The following HAMP variants were observed in gnomAD, a reference collection of about 807,000 sequenced individuals.
The protein encoded by HAMP is hepcidin.
In HAMP, 5 loss-of-function variants were observed where a neutral mutation model predicts 7.8. That is an observed-to-expected ratio of 0.64 (90% CI 0.33 to 1.34). The LOEUF (loss-of-function observed/expected upper bound fraction) is 1.34. Among genes scored for constraint, HAMP ranks in the 40% most tolerant of loss-of-function variants. The pLI, the probability that HAMP is intolerant of heterozygous loss-of-function variation, is 0.05. For missense variants in HAMP, 105 were observed against 104.1 expected, an observed-to-expected ratio of 1.01 and a Z score of -0.04; for synonymous variants, 52 against 38.6, an observed-to-expected ratio of 1.35 and a Z score of -1.28.
In HAMP at chr19:35,284,848, G is replaced by A. The variant is rs1232467006; in HGVS notation, c.150G>A (p.Met50Ile). Residue 50 changes from methionine to isoleucine, a missense_variant and splice_region_variant, in exon 2 of 3, where the codon ATG becomes ATA. By Grantham distance (10) the Met-to-Ile change is conservative (BLOSUM62 1). Coordinates refer to ENST00000222304, the MANE Select transcript of HAMP (RefSeq NM_021175.4). ...GAGCTGGAGCCAGGGCCAGCTGGATGGTGAGCGCAACAGTGATGCCTTTCC... is the reference window on the plus strand; with the variant it reads ...GAGCTGGAGCCAGGGCCAGCTGGATAGTGAGCGCAACAGTGATGCCTTTCC... ...QDRAGARASW[M>I]PMFQRRRRRD... 2 of 1,613,340 alleles carry A rather than the reference G, an allele frequency of 1.2e-6. No individual in the cohort carries two copies. The highest frequency in any genetic ancestry group is 1.7e-5 in the Admixed American group (1 of 59,998).
intron 1 of HAMP, chr19:35,284,515 T>G: frequency 1.8e-6 from 1 of 567,814 alleles, no homozygotes; most frequent in Non-Finnish European, 3.2e-6. Flanking sequence ...GGGAGGTGTG[T>G]TAGGAGGCTG....
At chr19:35,284,155 A>T (rs2066315632) in intron 1 of HAMP, 1 of 153,910 alleles carries the variant, frequency 6.5e-6, no homozygotes, top group Non-Finnish European at 1.4e-5. Context: ...TAAAAAACTT[A>T]ATCTGCCAGT....
chr19:35,282,864 GC>G, intron 1 of HAMP, 197 bp downstream of exon 1: 1 of 585,410 alleles, frequency 1.7e-6, no homozygotes, highest in South Asian at 1.9e-5. Context: ...GAGGCAGGCA[GC>G]CCACTTGAGG....
At chr19:35,283,623 T>C (rs1043502300) in intron 1 of HAMP, 1 of 152,102 alleles carries the variant, frequency 6.6e-6, no homozygotes, top group Non-Finnish European at 1.5e-5. Context: ...GGGTGAGAGA[T>C]GGAGGCAGCA....
rs2066319871 is a variant in HAMP, at chr19:35,284,963, G to A, written c.176G>A (p.Arg59Gln). ...CCCATGTTCCAGAGGCGAAGGAGGC[G>A]AGACACCCACTTCCCCATCTGCATT... ...WMPMFQRRRR[R>Q]DTHFPICIFC... Residue 59 changes from arginine to glutamine, a missense_variant, in exon 3 of 3, where the codon CGA (arginine) becomes CAA (glutamine). Transcript: ENST00000222304. 4 of 1,613,792 alleles carry A rather than the reference G, an allele frequency of 2.5e-6. No individual in the cohort carries two copies. Among genetic ancestry groups the A allele is most frequent in the African/African-American group, 1.3e-5 (1 of 74,862 alleles).
chr19:35,282,959 C>G, intron 1 of HAMP: 1 of 383,780 alleles, frequency 2.6e-6, no homozygotes, highest in Admixed American at 3.6e-5. Context: ...GTGGCAGGTG[C>G]CTGTAATCCC....
intron 1 of HAMP, 156 bp from the exon 2 acceptor site, chr19:35,284,633 T>C (rs569086643): frequency 3.2e-5 from 20 of 630,152 alleles, no homozygotes; most frequent in African/African-American, 2.8e-4. Flanking sequence ...AAGCCGCCCA[T>C]GGGAAGGTGA....
intron 1 of HAMP, chr19:35,283,016 T>C (rs1387612729): frequency 5.9e-6 from 2 of 340,094 alleles, no homozygotes; most frequent in Non-Finnish European, 1.2e-5. Context: ...ACCCGCAAGG[T>C]GGAGGTTGCA....
chr19:35,284,952 G>T lies in HAMP; in HGVS notation c.165G>T (p.Arg55Ser). The T allele has an allele frequency of 6.2e-7, 1 of 1,613,724 alleles. No individual in the cohort carries two copies. The highest frequency in any genetic ancestry group is 8.5e-7 in the Non-Finnish European group (1 of 1,179,720). The change falls in exon 3 of 3, where the codon AGG becomes AGT. Residue 55 changes from arginine (R) to serine (S), a missense_variant. Coordinates refer to ENST00000222304, the MANE Select transcript of HAMP (RefSeq NM_021175.4). ...CCTTCCCACAGCCCATGTTCCAGAG[G>T]CGAAGGAGGCGAGACACCCACTTCC... is the stretch of plus-strand genomic sequence containing the variant. ...ARASWMPMFQ[R>S]RRRRDTHFPI...
rs2066321022 is a variant in HAMP, at chr19:35,285,108, C to G, written c.*66C>G. 1 of 1,042,542 alleles carries G rather than the reference C, an allele frequency of 9.6e-7. No homozygotes were observed. Among genetic ancestry groups the G allele is most frequent in the South Asian group, 1.3e-5 (1 of 79,662 alleles). 64.6% of individuals were successfully genotyped at this position (1,042,542 alleles called of 1,614,324 possible). A position where few individuals can be genotyped will look rare whatever the true frequency, so the allele number is the denominator to read the frequency against. On this transcript the variant is annotated 3_prime_UTR_variant, in exon 3 of 3. Coordinates refer to ENST00000222304, the MANE Select transcript of HAMP (RefSeq NM_021175.4). ...ATTCCTGCTGCCCCAGAACATAGGT[C>G]TTGGAATAAAATGGCTGGTTCTTTT...
Position 35,282,679 on chromosome 19 carries a change from G to A in HAMP, c.90+12G>A, listed in dbSNP as rs2066309429. On this transcript the variant is annotated intron_variant, in intron 1 of 2. Transcript: ENST00000222304. ...TTTTCCCACAACAGGTGAGAGCCCA[G>A]TGGCCTGGGTCCTTAGCAGGGCAGC... is the stretch of plus-strand genomic sequence containing the variant. 1.9e-6 allele frequency: 3 copies of A among 1,603,106 alleles called. No homozygotes were observed. Among genetic ancestry groups the A allele is most frequent in the Non-Finnish European group, 2.6e-6 (3 of 1,169,956 alleles).
intron 1 of HAMP, chr19:35,284,305 T>C (rs1216846794): frequency 5.5e-6 from 1 of 182,512 alleles, no homozygotes; most frequent in African/African-American, 2.4e-5. Context: ...ATTAGCCGGG[T>C]GTGGTGGCGT....
At chr19:35,284,540 G>T (rs888630713) in intron 1 of HAMP, 10 of 583,594 alleles carry the variant, frequency 1.7e-5, no homozygotes, top group Non-Finnish European at 3.1e-5. Flanking sequence ...TGGCATCCAG[G>T]CAGGGGAAGG....
chr19:35,283,091 AAG>A (rs1282483122), intron 1 of HAMP: 1 of 272,216 alleles, frequency 3.7e-6, no homozygotes, highest in African/African-American at 2.2e-5. Flanking sequence ...ATCTCCAAAA[AAG>A]AACAGAAATC....
chr19:35,282,532 G>C lies in HAMP; in HGVS notation c.-46G>C, dbSNP rs748923691. 5 of 1,491,578 alleles carry C rather than the reference G, an allele frequency of 3.4e-6. No individual in the cohort carries two copies. The highest frequency in any genetic ancestry group is 2.3e-5 in the East Asian group (1 of 44,276). The allele number at this position is 1,491,578 out of a possible 1,614,324, so 92.4% of individuals were successfully genotyped here. The stretch of plus-strand genomic sequence containing the variant: ...GACTGTCACTCGGTCCCAGACACCA[G>C]AGCAAGCTCAAGACCCAGCAGTGGG... On this transcript the variant is annotated 5_prime_UTR_variant, in exon 1 of 3. Coordinates refer to ENST00000222304, the MANE Select transcript of HAMP (RefSeq NM_021175.4).
chr19:35,284,425 A>G, intron 1 of HAMP: 1 of 364,050 alleles, frequency 2.7e-6, no homozygotes, highest in Non-Finnish European at 5.2e-6. Context: ...GGCCTGGGCA[A>G]CAGAGGAAGA....
chr19:35,282,535 CA>C lies in HAMP; in HGVS notation c.-41del. 1 of 1,503,944 alleles carries C rather than the reference CA, an allele frequency of 6.6e-7. No homozygotes were observed. The highest frequency in any genetic ancestry group is 9.3e-7 in the Non-Finnish European group (1 of 1,079,504). The allele number at this position is 1,503,944 out of a possible 1,614,324, so 93.2% of individuals were successfully genotyped here. On this transcript the variant is annotated 5_prime_UTR_variant, in exon 1 of 3. Coordinates refer to ENST00000222304, the MANE Select transcript of HAMP (RefSeq NM_021175.4). ...TGTCACTCGGTCCCAGACACCAGAGCAAGCTCAAGACCCAGCAGTGGGACAG... is the reference window on the plus strand; with the variant it reads ...TGTCACTCGGTCCCAGACACCAGAGCAGCTCAAGACCCAGCAGTGGGACAG...
Position 35,284,939 on chromosome 19 carries a change from C to T in HAMP, c.152C>T (p.Pro51Leu). The T allele has an allele frequency of 6.2e-7, 1 of 1,612,822 alleles. No homozygotes were observed. The highest frequency in any genetic ancestry group is 8.5e-7 in the Non-Finnish European group (1 of 1,178,872). ...CTCACATTCCCTTCCTTCCCACAGC[C>T]CATGTTCCAGAGGCGAAGGAGGCGA... ...DRAGARASWM[P>L]MFQRRRRRDT... The change falls in exon 3 of 3, where the codon CCC (proline) becomes CTC (leucine). Residue 51 changes from proline (P) to leucine (L), a missense_variant and splice_region_variant. Pro to Leu is a moderately conservative substitution (Grantham distance 98). Transcript: ENST00000222304.
In HAMP at chr19:35,285,000, C is replaced by A. The variant is rs1385477937; in HGVS notation, c.213C>A (p.Gly71=). The change falls in exon 3 of 3, where the codon GGC becomes GGA. Residue 71 remains glycine, a synonymous_variant. Coordinates refer to ENST00000222304, the MANE Select transcript of HAMP (RefSeq NM_021175.4). ...THFPICIFCC[G]CCHRSKCGMC... The stretch of plus-strand genomic sequence containing the variant: ...TCCCCATCTGCATTTTCTGCTGCGG[C>A]TGCTGTCATCGATCAAAGTGTGGGA... The A allele has an allele frequency of 8.1e-6, 13 of 1,614,048 alleles. No individual in the cohort carries two copies. Among genetic ancestry groups the A allele is most frequent in the Non-Finnish European group, 1.1e-5 (13 of 1,179,894 alleles).
Sources: gnomAD v4.1 joint callset for allele counts on GRCh38, gnomAD v4.1.1 for gene constraint, MANE v1.5 for transcripts, NCBI Gene and HGNC (gene_info 2026-07-23, HGNC 2026-07-21) for gene names.